Variants in CDH13 observed in about 807,000 individuals in gnomAD.
CDH13 encodes the protein cadherin 13, also known as cadherin-13.
A neutral mutation model predicts 63.8 loss-of-function variants in CDH13; 24 were observed. That is an observed-to-expected ratio of 0.38 (90% CI 0.27 to 0.53). The LOEUF is 0.53. CDH13 is among the 20% of genes least tolerant of loss of function. The pLI is 0.85. For synonymous variants in CDH13, 503 were observed against 355.3 expected (o/e 1.42, Z -4.67); for missense variants, 1,049 against 903.1 (o/e 1.16, Z -2.07).
chr16:83,210,878 G>C (rs1225544606), intron 4 of CDH13, among the ~76,000 whole-genome samples: 1 of 151,556 alleles, frequency 6.6e-6, no homozygotes, highest in Admixed American at 6.6e-5. Flanking sequence ...GGCCGGGCGT[G>C]GTGGCTCATG....
At chr16:83,450,053 G>A (rs1246086951) in intron 6 of CDH13, among the ~76,000 whole-genome samples, 1 of 152,220 alleles carries the variant, frequency 6.6e-6, no homozygotes, top group African/African-American at 2.4e-5. Context: ...GGGTTGCAGA[G>A]TTCAATGCCG....
At chr16:82,735,172 G>A (rs1453972041) in intron 1 of CDH13, among the ~76,000 whole-genome samples, 1 of 152,206 alleles carries the variant, frequency 6.6e-6, no homozygotes, top group Non-Finnish European at 1.5e-5. Context: ...CAAAGATTCA[G>A]TCTATGTTAT....
chr16:82,770,354 G>A (rs36047343), intron 1 of CDH13, among the ~76,000 whole-genome samples: 23,098 of 152,162 alleles, frequency 0.15, 2,057 homozygotes, highest in East Asian at 0.43. Context: ...AATTTGGAAC[G>A]TAAAAAAGGA....
chr16:83,425,551 C>T (rs1175015086), intron 6 of CDH13, among the ~76,000 whole-genome samples: 1 of 152,196 alleles, frequency 6.6e-6, no homozygotes, highest in Non-Finnish European at 1.5e-5. Flanking sequence ...TCATTAACTC[C>T]CTCAAAAATA....
chr16:82,958,216 A>G (rs998984706), intron 2 of CDH13, among the ~76,000 whole-genome samples: 2 of 152,200 alleles, frequency 1.3e-5, no homozygotes, highest in African/African-American at 4.8e-5. Context: ...AATGAGAATA[A>G]CTTGAATACC....
chr16:83,241,358 A>T (rs1904428125), intron 5 of CDH13, among the ~76,000 whole-genome samples: 2 of 152,188 alleles, frequency 1.3e-5, no homozygotes, highest in South Asian at 4.1e-4. Flanking sequence ...CAGGAGTGAG[A>T]TTGCTAGATC....
chr16:83,372,749 T>TCAAAAAAAAAAAAAAAA (rs1555537364), intron 6 of CDH13, among the ~76,000 whole-genome samples: 1 of 95,574 alleles, frequency 1.0e-5, no homozygotes, highest in African/African-American at 4.2e-5. Flanking sequence ...AGACTCGGTC[T>TCAAAAAAAAAAAAAAAA]AAAAAAAAAA....
chr16:82,949,845 G>C (rs924668814), intron 2 of CDH13, among the ~76,000 whole-genome samples: 1 of 152,090 alleles, frequency 6.6e-6, no homozygotes, highest in Admixed American at 6.5e-5. Context: ...GAATGTTACA[G>C]TGACTGATAA....
intron 6 of CDH13, among the ~76,000 whole-genome samples, chr16:83,389,182 C>G (rs977189315): frequency 6.6e-6 from 1 of 152,152 alleles, no homozygotes; most frequent in Non-Finnish European, 1.5e-5. Context: ...ATTAAAGAAA[C>G]ATAATTTACA....
At chr16:82,638,840 G>A (rs1241175193) in intron 1 of CDH13, among the ~76,000 whole-genome samples, 1 of 152,180 alleles carries the variant, frequency 6.6e-6, no homozygotes, top group Non-Finnish European at 1.5e-5. Flanking sequence ...GTGCGTTTGT[G>A]TGCATGCACG....
At chr16:82,780,181 A>C (rs1188002639) in intron 1 of CDH13, among the ~76,000 whole-genome samples, 1 of 152,224 alleles carries the variant, frequency 6.6e-6, no homozygotes, top group South Asian at 2.1e-4. Flanking sequence ...TCAGGACTAT[A>C]TATTTAAGAA....
chr16:82,793,647 C>G (rs2036429812), intron 1 of CDH13, among the ~76,000 whole-genome samples: 1 of 152,134 alleles, frequency 6.6e-6, no homozygotes. Context: ...AGTAACAGAG[C>G]AAACCCTGGT....
intron 2 of CDH13, among the ~76,000 whole-genome samples, chr16:82,881,665 C>A (rs538710081): frequency 5.3e-5 from 8 of 152,276 alleles, no homozygotes; most frequent in Non-Finnish European, 1.2e-4. Flanking sequence ...TCACTACAGT[C>A]ATCTAGAAAA....
intron 1 of CDH13, among the ~76,000 whole-genome samples, chr16:82,850,664 G>A (rs1039827142): frequency 2.6e-5 from 4 of 152,166 alleles, no homozygotes; most frequent in African/African-American, 9.7e-5. Context: ...AATCATTCGT[G>A]AAAGGAAGAG....
intron 10 of CDH13, among the ~76,000 whole-genome samples, chr16:83,744,329 C>T (rs1288393258): frequency 6.6e-6 from 1 of 152,160 alleles, no homozygotes; most frequent in Non-Finnish European, 1.5e-5. Context: ...CGAGAGGAGA[C>T]GTATGAGTGG....
chr16:82,980,821 T>G (rs1173492026), intron 2 of CDH13, among the ~76,000 whole-genome samples: 2 of 152,214 alleles, frequency 1.3e-5, no homozygotes, highest in Non-Finnish European at 2.9e-5. Flanking sequence ...ATCTGTTTGT[T>G]TCATGACTGA....
intron 4 of CDH13, among the ~76,000 whole-genome samples, chr16:83,214,747 T>C (rs567340049): frequency 6.6e-6 from 1 of 152,270 alleles, no homozygotes; most frequent in African/African-American, 2.4e-5. Context: ...ATGTACTTTA[T>C]AGATGCCATC....
chr16:83,628,416 T>A (rs1910509265), intron 8 of CDH13, among the ~76,000 whole-genome samples: 1 of 152,170 alleles, frequency 6.6e-6, no homozygotes, highest in Admixed American at 6.5e-5. Flanking sequence ...CCTGGATAGT[T>A]TATTTTTTAT....
In CDH13 at chr16:83,671,721, A is replaced by G. The variant is rs555270248; in HGVS notation, c.1284+749A>G. Among the ~76,000 whole-genome samples the G allele has an allele frequency of 3.2e-4, 49 of 152,362 alleles. 1 individual carries two copies. In the South Asian group the frequency reaches 9.9e-3, roughly 31 times the overall value. On this transcript the variant is annotated intron_variant, in intron 9 of 13. Coordinates refer to ENST00000567109, the MANE Select transcript of CDH13 (RefSeq NM_001257.5). ...CAATTATTCCTTAAAAACACACACAACATAGTTATTGGTGTGAAACCCTCT... is the reference window on the plus strand; with the variant it reads ...CAATTATTCCTTAAAAACACACACAGCATAGTTATTGGTGTGAAACCCTCT...
Sources: allele counts gnomAD v4.1 joint callset (sites outside exome capture counted in the v4.1 genomes callset), GRCh38; gene constraint gnomAD v4.1.1; transcripts MANE v1.5; gene names NCBI Gene and HGNC (gene_info 2026-07-23, HGNC 2026-07-21).